CDH22: variants seen among roughly 807,000 people sequenced by gnomAD.
CDH22 encodes the protein cadherin-22.
A neutral mutation model predicts 58.4 loss-of-function variants in CDH22; 30 were observed. The observed-to-expected ratio is 0.51, with a 90% CI of 0.38 to 0.70. CDH22 has a LOEUF of 0.70. CDH22 is among the 30% of genes least tolerant of loss of function. The pLI is 0.00. For missense variants in CDH22, 1,014 were observed against 1,233.9 expected (o/e 0.82, Z 2.67); for synonymous variants, 513 against 558.2 (o/e 0.92, Z 1.14).
chr20:46,270,243 G>A (rs1050434098), intron 1 of CDH22, among the ~76,000 whole-genome samples: 3 of 152,176 alleles, frequency 2.0e-5, no homozygotes, highest in African/African-American at 7.2e-5. Context: ...ACCTGATGGT[G>A]CTGGGAACAG....
intron 8 of CDH22, among the ~76,000 whole-genome samples, chr20:46,190,678 T>A (rs887671221): frequency 2.0e-5 from 3 of 152,254 alleles, no homozygotes; most frequent in Admixed American, 2.0e-4. Context: ...GATGCAGCCT[T>A]GAGGAAGGCT....
At chr20:46,303,251 G>GA (rs983923076) in intron 1 of CDH22, among the ~76,000 whole-genome samples, 1 of 152,094 alleles carries the variant, frequency 6.6e-6, no homozygotes, top group Non-Finnish European at 1.5e-5. Flanking sequence ...TCCCCTTGGG[G>GA]CCTTGGTACC....
At position 46,259,089 on chromosome 20, in the gene CDH22, TA is replaced by T. The variant is rs202086594; in HGVS notation, c.-399-7397del. ...TTCTTAAGGCAGTCACAGCCTAGGGTAGAGACATCCATTCCTTAATTCATTC... is the reference window on the plus strand; with the variant it reads ...TTCTTAAGGCAGTCACAGCCTAGGGTGAGACATCCATTCCTTAATTCATTC... On this transcript the variant is annotated intron_variant, in intron 1 of 11. Coordinates refer to ENST00000537909, the MANE Select transcript of CDH22 (RefSeq NM_021248.3). 7.4e-3 allele frequency among the ~76,000 whole-genome samples: 1,132 copies of T among 152,286 alleles called. 18 individuals are homozygous for T. Among genetic ancestry groups the T allele is most frequent in the Admixed American group, 0.026 (399 of 15,296 alleles).
chr20:46,258,118 G>A (rs1194388109), intron 1 of CDH22, among the ~76,000 whole-genome samples: 1 of 152,144 alleles, frequency 6.6e-6, no homozygotes, highest in East Asian at 1.9e-4. Flanking sequence ...TTGACCATTG[G>A]AGTTAGTGGG....
chr20:46,306,145 A>C (rs1448821651), intron 1 of CDH22, among the ~76,000 whole-genome samples: 1 of 152,226 alleles, frequency 6.6e-6, no homozygotes. Context: ...TCTAACTTGA[A>C]CACCTCATGC....
intron 1 of CDH22, among the ~76,000 whole-genome samples, chr20:46,263,959 A>G (rs1467305097): frequency 6.6e-6 from 1 of 152,160 alleles, no homozygotes; most frequent in Non-Finnish European, 1.5e-5. Context: ...GGTGGCTCGG[A>G]CCAGGGAGGC....
intron 4 of CDH22, among the ~76,000 whole-genome samples, chr20:46,222,306 T>C (rs987110886): frequency 6.6e-6 from 1 of 152,200 alleles, no homozygotes; most frequent in African/African-American, 2.4e-5. Flanking sequence ...AAATGACGTT[T>C]TGACTGGCTG....
Position 46,210,384 on chromosome 20 carries a change from C to T in CDH22, c.1209G>A (p.Val403=), listed in dbSNP as rs753642217. 7.4e-6 allele frequency: 11 copies of T among 1,479,744 alleles called. No individual in the cohort carries two copies. The South Asian group carries it at 9.3e-5, about 12-fold the overall frequency. The allele number at this position is 1,479,744 out of a possible 1,614,324, so 91.7% of individuals were successfully genotyped here. ...EFRPPSGLLE[V]QEDAQVGSLV... is the part of the protein sequence containing the mutation. Reference sequence around the variant, plus strand: ...GGGAGCCCACCTGCGCGTCCTCCTGCACCTCCAGGAGGCCGGAGGGCGGCC... The same window carrying T: ...GGGAGCCCACCTGCGCGTCCTCCTGTACCTCCAGGAGGCCGGAGGGCGGCC... Residue 403 remains valine, a synonymous_variant, in exon 7 of 12, where the codon GTG becomes GTA. Coordinates refer to ENST00000537909, the MANE Select transcript of CDH22 (RefSeq NM_021248.3). The surrounding 1 kb of genome is among the most constrained non-coding windows in gnomAD (Gnocchi z 4.5).
At chr20:46,190,384 T>A (rs2085854793) in intron 8 of CDH22, among the ~76,000 whole-genome samples, 1 of 152,200 alleles carries the variant, frequency 6.6e-6, no homozygotes, top group East Asian at 1.9e-4. Flanking sequence ...GTTCAGCGCT[T>A]GGTCCTGATA....
At chr20:46,247,158 C>A (rs1250156147) in intron 2 of CDH22, among the ~76,000 whole-genome samples, 1 of 152,068 alleles carries the variant, frequency 6.6e-6, no homozygotes, top group Non-Finnish European at 1.5e-5. Context: ...TGGAACTATC[C>A]ATAATAGTGA....
chr20:46,213,032 T>A lies in CDH22; in HGVS notation c.995A>T (p.Asp332Val). The change falls in exon 6 of 12, where the codon GAC becomes GTC. Residue 332 changes from aspartate to valine, a missense_variant. By Grantham distance (152) the Asp-to-Val change is radical. Coordinates refer to ENST00000537909, the MANE Select transcript of CDH22 (RefSeq NM_021248.3). ...SGGDVFKVTTDSDTQEAIIVV... is the reference protein window; with the variant it reads ...SGGDVFKVTTVSDTQEAIIVV... ...GATGATGGCCTCCTGAGTGTCGCTG[T>A]CTGTGGTGACCTTGAACACATCGCC... The A allele has an allele frequency of 6.2e-7, 1 of 1,614,178 alleles. No homozygotes were observed. Among genetic ancestry groups the A allele is most frequent in the Non-Finnish European group, 8.5e-7 (1 of 1,180,012 alleles).
intron 4 of CDH22, among the ~76,000 whole-genome samples, chr20:46,226,934 G>T (rs1040848749): frequency 6.6e-6 from 1 of 152,214 alleles, no homozygotes; most frequent in African/African-American, 2.4e-5. Context: ...GAGTGAAGTG[G>T]GGACAGCGGG....
chr20:46,274,550 A>G (rs1200360312), intron 1 of CDH22, among the ~76,000 whole-genome samples: 1 of 152,246 alleles, frequency 6.6e-6, no homozygotes, highest in Admixed American at 6.5e-5. Flanking sequence ...TAAATGTACT[A>G]TACGATCCAG....
In CDH22 at chr20:46,241,307, C is replaced by T. The variant is rs2086288911; in HGVS notation, c.256-50G>A. On this transcript the variant is annotated intron_variant, in intron 2 of 11. Transcript: ENST00000537909. The surrounding 1 kb of genome is among the most constrained non-coding windows in gnomAD (Gnocchi z 5.2). ...GGTGGAGGCTGAGAAGGAAGCTCCT[C>T]TTGGCCTCACTGTCTCATGCCATTG... The T allele has an allele frequency of 4.1e-6, 6 of 1,478,294 alleles. No individual in the cohort carries two copies. Among genetic ancestry groups the T allele is most frequent in the Non-Finnish European group, 5.5e-6 (6 of 1,093,882 alleles). The allele number at this position is 1,478,294 out of a possible 1,614,324, so 91.6% of individuals were successfully genotyped here.
intron 1 of CDH22, among the ~76,000 whole-genome samples, chr20:46,282,734 C>G (rs989910866): frequency 1.3e-5 from 2 of 152,152 alleles, no homozygotes; most frequent in African/African-American, 2.4e-5. Context: ...TCCGCCTCCC[C>G]CAGTGAGTTC....
chr20:46,180,309 A>C (rs1256272069), intron 10 of CDH22, among the ~76,000 whole-genome samples: 1 of 152,200 alleles, frequency 6.6e-6, no homozygotes, highest in Non-Finnish European at 1.5e-5. Flanking sequence ...CACCTCAGCC[A>C]AACAGAAGCA....
chr20:46,289,415 C>CT (rs1375161628), intron 1 of CDH22, among the ~76,000 whole-genome samples: 1 of 152,144 alleles, frequency 6.6e-6, no homozygotes, highest in African/African-American at 2.4e-5. Context: ...GGGGTGTTGT[C>CT]TTTTTTGCTT....
intron 3 of CDH22, among the ~76,000 whole-genome samples, chr20:46,229,202 C>T (rs1480117581): frequency 6.6e-6 from 1 of 152,042 alleles, no homozygotes; most frequent in Non-Finnish European, 1.5e-5. Context: ...GGAATTATGT[C>T]CTATTGAGCA....
chr20:46,211,223 C>T (rs2145688645), intron 6 of CDH22, among the ~76,000 whole-genome samples: 1 of 152,208 alleles, frequency 6.6e-6, no homozygotes, highest in East Asian at 1.9e-4. Context: ...CTCTGACCGT[C>T]TAAAGACACT....
Sources: allele counts gnomAD v4.1 joint callset (sites outside exome capture counted in the v4.1 genomes callset), GRCh38; gene constraint gnomAD v4.1.1; non-coding constraint Gnocchi (gnomAD v3.1); transcripts MANE v1.5; gene names NCBI Gene and HGNC (gene_info 2026-07-23, HGNC 2026-07-21).